Variants in MBNL2 observed in about 807,000 individuals in gnomAD.
The protein encoded by MBNL2 is muscleblind like splicing regulator 2, also known as muscleblind-like protein 2.
MBNL2 carries 17 observed loss-of-function variants against 41.9 expected under a neutral mutation model. The ratio of observed to expected loss-of-function variants is 0.41; its 90% confidence interval spans 0.28 to 0.61. MBNL2 has a LOEUF of 0.61. Ranked by LOEUF, MBNL2 falls within the 20% of genes least tolerant of loss-of-function variation. The pLI is 0.35. For synonymous variants in MBNL2, 195 were observed against 182.9 expected, an observed-to-expected ratio of 1.07 and a Z score of -0.53; for missense variants, 336 against 505.6, an observed-to-expected ratio of 0.66 and a Z score of 3.22.
the MBNL2 span, among the ~76,000 whole-genome samples, chr13:97,207,764 C>T: frequency 2.6e-5 from 4 of 152,216 alleles, no homozygotes; most frequent in African/African-American, 9.7e-5. Context: ...AGCATTAACT[C>T]AAAAGTCCAC....
intron 2 of MBNL2, among the ~76,000 whole-genome samples, chr13:97,309,949 C>A (rs185965848): frequency 6.6e-6 from 1 of 152,176 alleles, no homozygotes; most frequent in Non-Finnish European, 1.5e-5. Context: ...GAAGGACTAT[C>A]TGTAATGGAG....
At chr13:97,263,852 A>G (rs559502660) in intron 1 of MBNL2, among the ~76,000 whole-genome samples, 38 of 152,060 alleles carry the variant, frequency 2.5e-4, no homozygotes, top group African/African-American at 8.9e-4. Flanking sequence ...TCCTGACCTC[A>G]GGTGATCTGC....
At chr13:97,206,038 T>C in the MBNL2 span, among the ~76,000 whole-genome samples, 1 of 152,172 alleles carries the variant, frequency 6.6e-6, no homozygotes, top group South Asian at 2.1e-4. Context: ...TTTTTGAGAT[T>C]ATAGATCAAA....
chr13:97,144,364 C>A, the MBNL2 span, among the ~76,000 whole-genome samples: 1 of 150,800 alleles, frequency 6.6e-6, no homozygotes, highest in African/African-American at 2.5e-5. Flanking sequence ...CCATGTTATC[C>A]CAGAAATTGT....
chr13:97,257,826 A>T (rs1315805764), intron 1 of MBNL2, among the ~76,000 whole-genome samples: 1 of 152,224 alleles, frequency 6.6e-6, no homozygotes, highest in African/African-American at 2.4e-5. Context: ...TTCCCCTTCC[A>T]TAAAATGTGA....
At chr13:97,359,812 A>G (rs2063265349) in intron 7 of MBNL2, among the ~76,000 whole-genome samples, 1 of 152,206 alleles carries the variant, frequency 6.6e-6, no homozygotes, top group Admixed American at 6.5e-5. Context: ...ATGTGGATCT[A>G]GTGTTCTGAA....
In MBNL2 at chr13:97,268,057, G is replaced by A. The variant is rs2050171606; in HGVS notation, c.-604-7575G>A. ...GACCTTGGTGGTGGGGCCTAAGAGT[G>A]TGCTTTTCTTTTTTCTTTCCTTCCT... On this transcript the variant is annotated intron_variant, in intron 1 of 8. Coordinates refer to ENST00000679496, the MANE Select transcript of MBNL2 (RefSeq NM_001382683.1). The surrounding 1 kb of genome is among the most constrained non-coding windows in gnomAD (Gnocchi z 4.6). 6.7e-6 allele frequency among the ~76,000 whole-genome samples: 1 copy of A among 150,036 alleles called. No homozygotes were observed. The highest frequency in any genetic ancestry group is 6.7e-5 in the Admixed American group (1 of 15,034).
At chr13:97,207,849 C>G in the MBNL2 span, among the ~76,000 whole-genome samples, 4 of 152,362 alleles carry the variant, frequency 2.6e-5, no homozygotes, top group East Asian at 7.7e-4. Flanking sequence ...AGGTTAGTTA[C>G]TTCCTAGATA....
chr13:97,355,264 A>G (rs749450616), intron 5 of MBNL2, among the ~76,000 whole-genome samples: 47 of 152,054 alleles, frequency 3.1e-4, no homozygotes, highest in South Asian at 6.2e-4. Flanking sequence ...CTCTGCCTGT[A>G]GTCCTTTCTA....
chr13:97,180,706 CA>C, the MBNL2 span, among the ~76,000 whole-genome samples: 1 of 143,480 alleles, frequency 7.0e-6, no homozygotes, highest in Non-Finnish European at 1.5e-5. Context: ...GGCACCACTG[CA>C]CTCCAGGCTG....
intron 1 of MBNL2, among the ~76,000 whole-genome samples, chr13:97,228,344 G>C (rs549101046): frequency 6.6e-6 from 1 of 151,680 alleles, no homozygotes; most frequent in Non-Finnish European, 1.5e-5. Context: ...ATGAAATTGA[G>C]GACATAAAAA....
the MBNL2 span, among the ~76,000 whole-genome samples, chr13:97,216,316 G>A: frequency 1.3e-5 from 2 of 152,036 alleles, no homozygotes; most frequent in Admixed American, 6.6e-5. Context: ...CTCCATGTTC[G>A]GCATTGTGGA....
At chr13:97,281,661 T>A (rs1167402121) in intron 2 of MBNL2, among the ~76,000 whole-genome samples, 1 of 152,238 alleles carries the variant, frequency 6.6e-6, no homozygotes, top group East Asian at 1.9e-4. Context: ...TTTGAGTATT[T>A]TCTAAGTTAT....
In MBNL2 at chr13:97,391,405, T is replaced by C. The variant is rs758014428; in HGVS notation, c.1132T>C (p.Tyr378His). 3.2e-6 allele frequency: 5 copies of C among 1,566,668 alleles called. No individual in the cohort carries two copies. The highest frequency in any genetic ancestry group is 1.3e-5 in the African/African-American group (1 of 74,112). ...AACTAAACATTGTTACTGTACATACTATCCTGTTTCCTCCTCAATAGAATT... is the reference window on the plus strand; with the variant it reads ...AACTAAACATTGTTACTGTACATACCATCCTGTTTCCTCCTCAATAGAATT... ...RITKHCYCTY[Y>H]PVSSSIELPQ... The change falls in exon 9 of 9, where the codon TAT (tyrosine) becomes CAT (histidine). Residue 378 changes from tyrosine (Y) to histidine (H), a missense_variant. Coordinates refer to ENST00000679496, the MANE Select transcript of MBNL2 (RefSeq NM_001382683.1).
chr13:97,309,818 T>C (rs2058427561), intron 2 of MBNL2, among the ~76,000 whole-genome samples: 1 of 152,168 alleles, frequency 6.6e-6, no homozygotes, highest in South Asian at 2.1e-4. Context: ...AATTGTACAG[T>C]GTTTCAACCC....
In MBNL2 at chr13:97,334,438, G is replaced by C; in HGVS notation, c.337G>C (p.Val113Leu). ...FMFPGTPLHP[V>L]PTFPVGPAIG... Reference sequence around the variant, plus strand: ...GTTTCCAGGAACACCACTTCATCCAGTGGTGAGTACATCTTTATTCAGTGA... The same window carrying C: ...GTTTCCAGGAACACCACTTCATCCACTGGTGAGTACATCTTTATTCAGTGA... The change falls in exon 3 of 9, where the codon GTG (valine) becomes CTG (leucine). Residue 113 changes from valine to leucine, a missense_variant and splice_region_variant. Transcript: ENST00000679496. The surrounding 1 kb of genome is among the most constrained non-coding windows in gnomAD (Gnocchi z 5.3). 6.2e-7 allele frequency: 1 copy of C among 1,609,094 alleles called. No individual in the cohort carries two copies. Among genetic ancestry groups the C allele is most frequent in the Non-Finnish European group, 8.5e-7 (1 of 1,176,914 alleles).
intron 1 of MBNL2, among the ~76,000 whole-genome samples, chr13:97,244,753 G>A (rs2045103776): frequency 6.6e-6 from 1 of 152,166 alleles, no homozygotes; most frequent in Admixed American, 6.5e-5. Context: ...TCTTTACACT[G>A]CCCATAAAAA....
At chr13:97,172,437 A>G in the MBNL2 span, 1 of 152,228 alleles carries the variant, frequency 6.6e-6, no homozygotes, top group Non-Finnish European at 1.5e-5. Flanking sequence ...CTGCTGTGGA[A>G]GAGCACCCAT....
At chr13:97,328,058 A>G (rs1021614904) in intron 2 of MBNL2, among the ~76,000 whole-genome samples, 4 of 151,888 alleles carry the variant, frequency 2.6e-5, no homozygotes, top group Non-Finnish European at 4.4e-5. Context: ...TCTTAGCCCC[A>G]TTTCACAGAT....
Sources: gnomAD v4.1 joint callset for allele counts (sites outside exome capture counted in the v4.1 genomes callset) on GRCh38, gnomAD v4.1.1 for gene constraint, Gnocchi (gnomAD v3.1) non-coding constraint, MANE v1.5 for transcripts, NCBI Gene and HGNC (gene_info 2026-07-23, HGNC 2026-07-21) for gene names.